Variants in ENTHD1 observed in about 807,000 individuals in gnomAD.
ENTHD1 encodes ENTH domain containing 1, also known as ENTH domain-containing protein 1.
A neutral mutation model predicts 39.1 loss-of-function variants in ENTHD1; 23 were observed. That is an observed-to-expected ratio of 0.59 (90% CI 0.42 to 0.83). The LOEUF is 0.83. Among genes scored for constraint, ENTHD1 ranks in the 40% least tolerant of loss-of-function variants. The pLI, the probability that ENTHD1 is intolerant of heterozygous loss-of-function variation, is 0.00. For missense variants in ENTHD1, 624 were observed against 705.4 expected (o/e 0.88, Z 1.31); for synonymous variants, 230 against 258.2 (o/e 0.89, Z 1.05).
chr22:39,888,178 T>C (rs373320399), intron 1 of ENTHD1, among the ~76,000 whole-genome samples: 2 of 151,954 alleles, frequency 1.3e-5, no homozygotes, highest in African/African-American at 2.4e-5. Flanking sequence ...ATATAATGGC[T>C]ATAAAGCATT....
chr22:39,879,724 T>C (rs1323223561), intron 2 of ENTHD1, among the ~76,000 whole-genome samples: 1 of 152,086 alleles, frequency 6.6e-6, no homozygotes, highest in African/African-American at 2.4e-5. Flanking sequence ...GGCAGTTTCT[T>C]ATAAAACTAA....
At chr22:39,753,305 G>A (rs907334769) in intron 6 of ENTHD1, among the ~76,000 whole-genome samples, 1 of 152,118 alleles carries the variant, frequency 6.6e-6, no homozygotes, top group Non-Finnish European at 1.5e-5. Context: ...TCCTTTTCTT[G>A]TGTACATGAT....
chr22:39,876,865 A>ATCAT (rs2066294565), intron 2 of ENTHD1, among the ~76,000 whole-genome samples: 1 of 152,234 alleles, frequency 6.6e-6, no homozygotes, highest in Non-Finnish European at 1.5e-5. Flanking sequence ...CAAGGTATTA[A>ATCAT]TCATTCATTC....
chr22:39,784,880 T>C (rs534239569), intron 5 of ENTHD1, among the ~76,000 whole-genome samples: 5 of 152,236 alleles, frequency 3.3e-5, no homozygotes, highest in Admixed American at 6.5e-5. Context: ...AGAGTGACTA[T>C]AGTTTACAAT....
intron 5 of ENTHD1, among the ~76,000 whole-genome samples, chr22:39,795,594 ATTT>A (rs59794007): frequency 1.4e-5 from 2 of 141,264 alleles, no homozygotes. Flanking sequence ...TGCCTGGCTA[ATTT>A]TTTTTTTTTT....
At chr22:39,860,410 G>A (rs2066130145) in intron 3 of ENTHD1, among the ~76,000 whole-genome samples, 1 of 152,202 alleles carries the variant, frequency 6.6e-6, no homozygotes, top group Non-Finnish European at 1.5e-5. Context: ...TTCAGAATGA[G>A]TGGCTGTCTC....
chr22:39,832,166 A>T (rs1238585217), intron 4 of ENTHD1, among the ~76,000 whole-genome samples: 1 of 152,036 alleles, frequency 6.6e-6, no homozygotes, highest in East Asian at 1.9e-4. Context: ...AAATATTTTT[A>T]AAATTAGCCA....
At chr22:39,778,894 A>T (rs1352120348) in intron 5 of ENTHD1, among the ~76,000 whole-genome samples, 1 of 152,246 alleles carries the variant, frequency 6.6e-6, no homozygotes, top group Non-Finnish European at 1.5e-5. Context: ...AGAATACAAA[A>T]GCCAGAATCA....
chr22:39,872,347 C>A (rs2066250912), intron 2 of ENTHD1, among the ~76,000 whole-genome samples: 1 of 151,882 alleles, frequency 6.6e-6, no homozygotes. Flanking sequence ...TGGCTTTATT[C>A]AATTCATTAT....
intron 3 of ENTHD1, among the ~76,000 whole-genome samples, chr22:39,850,143 G>A (rs1212859676): frequency 8.6e-5 from 13 of 152,000 alleles, no homozygotes; most frequent in Non-Finnish European, 1.6e-4. Flanking sequence ...AAAGTTTCAT[G>A]TCCTTCACCT....
intron 3 of ENTHD1, among the ~76,000 whole-genome samples, chr22:39,843,525 G>T (rs2065963084): frequency 2.0e-5 from 3 of 151,924 alleles, no homozygotes; most frequent in African/African-American, 4.8e-5. Flanking sequence ...ACGAGTTAGT[G>T]GGTGCAGCGC....
intron 5 of ENTHD1, among the ~76,000 whole-genome samples, chr22:39,814,004 G>A (rs1186287252): frequency 6.6e-6 from 1 of 151,730 alleles, no homozygotes; most frequent in Non-Finnish European, 1.5e-5. Flanking sequence ...AAGATATACA[G>A]AACCTATATG....
At chr22:39,860,246 A>C (rs1156731125) in intron 3 of ENTHD1, among the ~76,000 whole-genome samples, 1 of 152,258 alleles carries the variant, frequency 6.6e-6, no homozygotes, top group Non-Finnish European at 1.5e-5. Context: ...GAAAGAAGAA[A>C]GAACTGACAA....
intron 5 of ENTHD1, among the ~76,000 whole-genome samples, chr22:39,768,689 AGGT>A (rs1214849521): frequency 6.6e-6 from 1 of 152,098 alleles, no homozygotes; most frequent in Non-Finnish European, 1.5e-5. Context: ...TGCATATAGG[AGGT>A]GTCAAATGTT....
Position 39,861,778 on chromosome 22 carries a change from C to T in ENTHD1, c.579G>A (p.Arg193=). The change falls in exon 3 of 7, where the codon AGG becomes AGA. Residue 193 remains arginine, a synonymous_variant. Coordinates refer to ENST00000325157, the MANE Select transcript of ENTHD1 (RefSeq NM_152512.4). The part of the protein sequence containing the change: ...EKKYKLPKFG[R]LHNKRNVCKA... Reference sequence around the variant, plus strand: ...CATTATACGTACTTTTATTATGTAACCTTCCAAACTTAGGAAGCTTATACT... The same window carrying T: ...CATTATACGTACTTTTATTATGTAATCTTCCAAACTTAGGAAGCTTATACT... The T allele has an allele frequency of 2.6e-6, 4 of 1,542,966 alleles. No homozygotes were observed. The highest frequency in any genetic ancestry group is 3.5e-6 in the Non-Finnish European group (4 of 1,137,020).
At chr22:39,744,631 C>G (rs2146525233) in intron 6 of ENTHD1, among the ~76,000 whole-genome samples, 1 of 152,262 alleles carries the variant, frequency 6.6e-6, no homozygotes, top group South Asian at 2.1e-4. Flanking sequence ...TGACTGCCAG[C>G]ATTTTAAGTT....
chr22:39,883,582 G>C (rs887447152), intron 2 of ENTHD1, among the ~76,000 whole-genome samples: 3 of 151,666 alleles, frequency 2.0e-5, no homozygotes, highest in African/African-American at 4.8e-5. Flanking sequence ...TCTAGCCAAG[G>C]AATCTAGATT....
chr22:39,875,470 G>A, intron 2 of ENTHD1: 4 of 1,550,754 alleles, frequency 2.6e-6, no homozygotes, highest in Non-Finnish European at 3.5e-6. Context: ...GCCAGGCCGT[G>A]CGCCGGCCTT....
chr22:39,862,970 C>A (rs1447620820), intron 2 of ENTHD1, among the ~76,000 whole-genome samples: 1 of 152,170 alleles, frequency 6.6e-6, no homozygotes, highest in African/African-American at 2.4e-5. Flanking sequence ...GCCTTTCGGA[C>A]CTTCTGTCAC....
Sources: gnomAD v4.1 joint callset for allele counts (sites outside exome capture counted in the v4.1 genomes callset) on GRCh38, gnomAD v4.1.1 for gene constraint, MANE v1.5 for transcripts, NCBI Gene and HGNC (gene_info 2026-07-23, HGNC 2026-07-21) for gene names.